The following ARHGEF12 variants were observed in gnomAD, a reference collection of about 807,000 sequenced individuals.
ARHGEF12 encodes Rho guanine nucleotide exchange factor 12.
In ARHGEF12, 66 loss-of-function variants were observed where a neutral mutation model predicts 211.2. The observed-to-expected ratio is 0.31, with a 90% CI of 0.26 to 0.38. The LOEUF (loss-of-function observed/expected upper bound fraction) is 0.38. Among genes scored for constraint, ARHGEF12 ranks in the 10% least tolerant of loss-of-function variants. The pLI, the probability that ARHGEF12 is intolerant of heterozygous loss-of-function variation, is 1.00. For missense variants in ARHGEF12, 1,429 were observed against 1,869.5 expected (o/e 0.76, Z 4.34); for synonymous variants, 592 against 638.4 (o/e 0.93, Z 1.09).
chr11:120,398,071 A>G (rs1944443659), intron 1 of ARHGEF12, among the ~76,000 whole-genome samples: 1 of 152,162 alleles, frequency 6.6e-6, no homozygotes, highest in Non-Finnish European at 1.5e-5. Flanking sequence ...AGAGAGAACC[A>G]TTGCTTTATA....
chr11:120,342,964 G>T (rs891953003), intron 1 of ARHGEF12, among the ~76,000 whole-genome samples: 4 of 152,046 alleles, frequency 2.6e-5, no homozygotes, highest in Non-Finnish European at 4.4e-5. Context: ...ATCTTAAATT[G>T]TAGGTCAAAA....
At position 120,481,417 on chromosome 11, in the gene ARHGEF12, G is replaced by A. The variant is rs1388954982; in HGVS notation, c.4395G>A (p.Gly1465=). ...CTCCTCAGAATACTCACTCCGATGG[G>A]GCAATTTCACCATTCACCCCCGAAT... is the stretch of plus-strand genomic sequence containing the variant. ...QHSPQNTHSD[G]AISPFTPEFL... is the part of the protein sequence containing the mutation. The change falls in exon 39 of 41, where the codon GGG becomes GGA. Residue 1465 remains glycine, a synonymous_variant. Coordinates refer to ENST00000397843, the MANE Select transcript of ARHGEF12 (RefSeq NM_015313.3). The A allele has an allele frequency of 1.2e-6, 2 of 1,614,016 alleles. No homozygotes were observed. Among genetic ancestry groups the A allele is most frequent in the African/African-American group, 2.7e-5 (2 of 74,912 alleles).
chr11:120,390,840 A>G (rs1463330630), intron 1 of ARHGEF12, among the ~76,000 whole-genome samples: 1 of 152,198 alleles, frequency 6.6e-6, no homozygotes, highest in Non-Finnish European at 1.5e-5. Context: ...TATAACTTGT[A>G]TATGTTACTT....
intron 14 of ARHGEF12, 82 bp from the exon 15 acceptor site, chr11:120,442,022 C>A: frequency 9.9e-7 from 1 of 1,013,456 alleles, no homozygotes; most frequent in Non-Finnish European, 1.5e-6. Flanking sequence ...CTGTTCCAGA[C>A]ATTCCTACTC....
At chr11:120,421,687 C>G in intron 5 of ARHGEF12, 116 bp from the exon 6 acceptor site, 2 of 878,998 alleles carry the variant, frequency 2.3e-6, no homozygotes. Context: ...CCGCCCGCCT[C>G]GGCCTCCCAA....
chr11:120,412,271 C>T (rs973337433), intron 4 of ARHGEF12, among the ~76,000 whole-genome samples: 2 of 152,206 alleles, frequency 1.3e-5, no homozygotes, highest in African/African-American at 4.8e-5. Flanking sequence ...GGTGTCTGAA[C>T]AGATTCCTGC....
At chr11:120,390,285 G>T (rs1256270834) in intron 1 of ARHGEF12, among the ~76,000 whole-genome samples, 2 of 152,072 alleles carry the variant, frequency 1.3e-5, no homozygotes, top group African/African-American at 4.8e-5. Context: ...TTAGTTAATG[G>T]TTTGAGATCA....
chr11:120,336,847 C>G lies in ARHGEF12; in HGVS notation c.-397C>G, dbSNP rs73580205. The G allele has an allele frequency of 2.6e-3, 940 of 364,534 alleles. 10 individuals carry two copies. Among genetic ancestry groups the G allele is most frequent in the African/African-American group, 0.018 (856 of 48,200 alleles). 22.6% of individuals were successfully genotyped at this position (364,534 alleles called of 1,614,324 possible). On this transcript the variant is annotated 5_prime_UTR_variant, in exon 1 of 41. Transcript: ENST00000397843. ...CCTTGCCGCGGCGGGGAGTTCGAGG[C>G]CCCGAGACTCCGGAGGAGGAGCCGA... is the stretch of plus-strand genomic sequence containing the variant.
At chr11:120,458,503 C>A (rs1946429263) in intron 25 of ARHGEF12, 1 of 333,624 alleles carries the variant, frequency 3.0e-6, no homozygotes, top group Non-Finnish European at 5.4e-6. Context: ...AAAGTCATTG[C>A]AACAACTAAG....
In ARHGEF12 at chr11:120,338,734, CA is replaced by C. The variant is rs539686088; in HGVS notation, c.32+1463del. On this transcript the variant is annotated intron_variant, in intron 1 of 40. Transcript: ENST00000397843. The stretch of plus-strand genomic sequence containing the variant: ...TCGCTCTTTCTGTTGAGCCTGTAAA[CA>C]AAAGTCTTGCTAGGAACTAATGTAA... Among the ~76,000 whole-genome samples, 104 of 152,226 alleles carry C rather than the reference CA, an allele frequency of 6.8e-4. 1 individual carries two copies. The highest frequency in any genetic ancestry group is 2.4e-3 in the African/African-American group (99 of 41,532).
intron 1 of ARHGEF12, among the ~76,000 whole-genome samples, chr11:120,382,929 G>A (rs1459125061): frequency 6.6e-6 from 1 of 152,188 alleles, no homozygotes. Context: ...CACGAGGTCA[G>A]GAGATTGAGA....
intron 1 of ARHGEF12, among the ~76,000 whole-genome samples, chr11:120,341,069 G>GT (rs1241083929): frequency 6.6e-6 from 1 of 152,046 alleles, no homozygotes; most frequent in East Asian, 1.9e-4. Flanking sequence ...TAACATGTAG[G>GT]TTTTTTTCTT....
intron 4 of ARHGEF12, chr11:120,411,779 T>A (rs575554196): frequency 6.6e-6 from 1 of 150,808 alleles, no homozygotes; most frequent in East Asian, 2.0e-4. Flanking sequence ...TTTGTTTTTT[T>A]AATAGAGATG....
rs914873844 is a variant in ARHGEF12, at chr11:120,431,805, G to C, written c.818G>C (p.Gly273Ala). The C allele has an allele frequency of 6.2e-7, 1 of 1,613,332 alleles. No homozygotes were observed. The highest frequency in any genetic ancestry group is 1.7e-5 in the Admixed American group (1 of 59,916). ...GTAGTTACACCCTCCAGACCTTTAG[G>C]GGACACCCTAACAGTCAGTGAGGCA... ...GAVVTPSRPL[G>A]DTLTVSEAET... is the part of the protein sequence containing the mutation. Residue 273 changes from glycine (G) to alanine (A), a missense_variant, in exon 11 of 41, where the codon GGG (glycine) becomes GCG (alanine). Gly to Ala is a moderately conservative substitution (Grantham distance 60). Transcript: ENST00000397843.
intron 1 of ARHGEF12, among the ~76,000 whole-genome samples, chr11:120,342,096 G>T (rs1942553855): frequency 6.6e-6 from 1 of 152,094 alleles, no homozygotes. Context: ...TTTTAACCTA[G>T]ATTTTCTGGC....
At chr11:120,482,903 T>A (rs1947291056) in intron 39 of ARHGEF12, among the ~76,000 whole-genome samples, 1 of 152,190 alleles carries the variant, frequency 6.6e-6, no homozygotes, top group African/African-American at 2.4e-5. Flanking sequence ...TTTACCTTCA[T>A]ATAATTGATT....
intron 9 of ARHGEF12, 61 bp from the exon 10 acceptor site, chr11:120,429,651 C>T: frequency 1.9e-6 from 3 of 1,571,648 alleles, no homozygotes; most frequent in Non-Finnish European, 2.6e-6. Context: ...TAAGAATGGA[C>T]TATTTCTGTA....
intron 1 of ARHGEF12, among the ~76,000 whole-genome samples, chr11:120,391,846 G>A (rs1944228207): frequency 6.6e-6 from 1 of 152,184 alleles, no homozygotes; most frequent in South Asian, 2.1e-4. Context: ...TGCTTGAGGA[G>A]TGAGGGAGAG....
chr11:120,360,017 T>C (rs2135356308), intron 1 of ARHGEF12, among the ~76,000 whole-genome samples: 1 of 152,296 alleles, frequency 6.6e-6, no homozygotes, highest in South Asian at 2.1e-4. Context: ...TAATACTATC[T>C]GAGGAGACAA....
Sources: gnomAD v4.1 joint callset for allele counts (sites outside exome capture counted in the v4.1 genomes callset) on GRCh38, gnomAD v4.1.1 for gene constraint, MANE v1.5 for transcripts, NCBI Gene and HGNC (gene_info 2026-07-23, HGNC 2026-07-21) for gene names.